MYPN: variants seen among roughly 807,000 people sequenced by gnomAD.
The protein encoded by MYPN is myopalladin, also known as sarcomeric protein myopalladin, 145 kDa (MYOP).
Under a neutral mutation model 129.4 loss-of-function variants are expected in MYPN, and 63 were observed. The ratio of observed to expected loss-of-function variants is 0.49; its 90% CI spans 0.40 to 0.60. The LOEUF (loss-of-function observed/expected upper bound fraction) is 0.60. MYPN is among the 20% of genes least tolerant of loss of function. The pLI, the probability that MYPN is intolerant of heterozygous loss-of-function variation, is 0.00. For missense variants in MYPN, 1,596 were observed against 1,635.4 expected (o/e 0.98, Z 0.42); for synonymous variants, 629 against 600.9 (o/e 1.05, Z -0.68).
chr10:68,119,049 A>T (rs2042201157), intron 1 of MYPN, among the ~76,000 whole-genome samples: 2 of 152,162 alleles, frequency 1.3e-5, no homozygotes, highest in Non-Finnish European at 2.9e-5. Flanking sequence ...AGGCTAAAGA[A>T]ATAGTTGAGT....
chr10:68,096,186 A>G (rs1564636463), intron 1 of MYPN, among the ~76,000 whole-genome samples: 1 of 152,246 alleles, frequency 6.6e-6, no homozygotes, highest in Non-Finnish European at 1.5e-5. Flanking sequence ...GATTTATAAG[A>G]TAAACACTGG....
At chr10:68,202,395 G>A (rs1200528123) in intron 18 of MYPN, among the ~76,000 whole-genome samples, 9 of 151,786 alleles carry the variant, frequency 5.9e-5, no homozygotes, top group African/African-American at 1.9e-4. Flanking sequence ...ATTGCGCCAC[G>A]GGACTCCAGC....
intron 1 of MYPN, among the ~76,000 whole-genome samples, chr10:68,117,432 C>G (rs1317162924): frequency 1.3e-5 from 2 of 152,000 alleles, no homozygotes; most frequent in African/African-American, 4.8e-5. Context: ...GTGTCAAGGA[C>G]AGTGAGCTTT....
At chr10:68,209,643 C>T in intron 19 of MYPN, among the ~76,000 whole-genome samples, 1 of 145,698 alleles carries the variant, frequency 6.9e-6, no homozygotes, top group Admixed American at 6.8e-5. Flanking sequence ...CCCTCGTCAC[C>T]CACTCTTCCA....
At chr10:68,166,237 T>C in intron 9 of MYPN, 57 bp from the exon 10 acceptor site, 2 of 1,610,084 alleles carry the variant, frequency 1.2e-6, no homozygotes, top group Non-Finnish European at 1.7e-6. Context: ...TTTGTGCACA[T>C]GCCCCAATTC....
Position 68,210,442 on chromosome 10 carries a change from G to A in MYPN, c.3950G>A (p.Ser1317Asn). 1 of 1,614,178 alleles carries A rather than the reference G, an allele frequency of 6.2e-7. No individual in the cohort carries two copies. Among genetic ancestry groups the A allele is most frequent in the Non-Finnish European group, 8.5e-7 (1 of 1,180,022 alleles). Reference sequence around the variant, plus strand: ...TGCTCTTCTCGGAGTGTAGTGGAGAGTGATGAACTTTAAGAATGTCTAGGT... The same window carrying A: ...TGCTCTTCTCGGAGTGTAGTGGAGAATGATGAACTTTAAGAATGTCTAGGT... ...YSCSSRSVVE[S>N]DEL The change falls in exon 20 of 20, where the codon AGT (serine) becomes AAT (asparagine). Residue 1317 changes from serine to asparagine, a missense_variant. By Grantham distance (46) the Ser-to-Asn change is conservative (BLOSUM62 1). Transcript: ENST00000358913.
At chr10:68,182,029 A>G (rs2043320889) in intron 12 of MYPN, among the ~76,000 whole-genome samples, 1 of 151,934 alleles carries the variant, frequency 6.6e-6, no homozygotes, top group African/African-American at 2.4e-5. Context: ...TGAGTCTGTG[A>G]TGAAGGTAAA....
chr10:68,134,589 G>A (rs1248228050), intron 2 of MYPN, among the ~76,000 whole-genome samples: 2 of 152,172 alleles, frequency 1.3e-5, no homozygotes, highest in Non-Finnish European at 2.9e-5. Context: ...GAAGTCAAGA[G>A]ATCAAGACCA....
intron 1 of MYPN, among the ~76,000 whole-genome samples, chr10:68,091,241 A>T (rs1479941060): frequency 1.3e-5 from 2 of 152,072 alleles, no homozygotes; most frequent in African/African-American, 4.8e-5. Flanking sequence ...CAGGAGCAAT[A>T]GGGCTCTCTC....
At chr10:68,185,215 A>C (rs2043402077) in intron 12 of MYPN, among the ~76,000 whole-genome samples, 1 of 148,068 alleles carries the variant, frequency 6.8e-6, no homozygotes, top group Non-Finnish European at 1.5e-5. Context: ...GGAAGGGAAG[A>C]AGTGAAAAGA....
chr10:68,199,176 C>A lies in MYPN; in HGVS notation c.3286-192C>A, dbSNP rs12773106. Among the ~76,000 whole-genome samples, 6,160 of 152,100 alleles carry A rather than the reference C, an allele frequency of 0.04. 215 individuals are homozygous for A. The highest frequency in any genetic ancestry group is 0.065 in the Non-Finnish European group (4,411 of 67,976). On this transcript the variant is annotated intron_variant, in intron 16 of 19. Transcript: ENST00000358913. ...CATTACCTTAACTGTGACCAAAGTA[C>A]CATACAGTTCAAATTCATGCAGCTG...
intron 6 of MYPN, 58 bp from the exon 7 acceptor site, chr10:68,158,428 A>G (rs2134136387): frequency 6.4e-7 from 1 of 1,550,408 alleles, no homozygotes; most frequent in South Asian, 1.1e-5. Context: ...CAACACCGAA[A>G]CTAGATTACA....
chr10:68,199,824 C>T (rs2043680377), intron 17 of MYPN, among the ~76,000 whole-genome samples: 1 of 152,208 alleles, frequency 6.6e-6, no homozygotes, highest in South Asian at 2.1e-4. Flanking sequence ...ATCAGTCAAT[C>T]AATCAATCAA....
intron 12 of MYPN, among the ~76,000 whole-genome samples, chr10:68,188,298 C>G (rs2043453082): frequency 6.6e-6 from 1 of 152,032 alleles, no homozygotes; most frequent in Non-Finnish European, 1.5e-5. Context: ...TTAGTAGAGA[C>G]AGAGCTTTTC....
At chr10:68,162,284 G>C (rs902772497) in intron 8 of MYPN, 1 of 152,058 alleles carries the variant, frequency 6.6e-6, no homozygotes, top group South Asian at 2.1e-4. Flanking sequence ...GAATGCAGCT[G>C]GTTCTTGGTT....
upstream of MYPN, among the ~76,000 whole-genome samples, chr10:68,101,744 CT>C (rs2041982855): frequency 6.6e-6 from 1 of 152,064 alleles, no homozygotes; most frequent in African/African-American, 2.4e-5. Flanking sequence ...AAACTTACTT[CT>C]GATAGCTTAT....
At chr10:68,120,394 G>T (rs1360728807) in intron 1 of MYPN, among the ~76,000 whole-genome samples, 2 of 152,048 alleles carry the variant, frequency 1.3e-5, no homozygotes, top group Admixed American at 1.3e-4. Context: ...AAGTTAGGAA[G>T]AACACAGAGC....
chr10:68,121,520 G>C lies in MYPN; in HGVS notation c.82G>C (p.Gly28Arg), dbSNP rs748805804. 2 of 1,614,158 alleles carry C rather than the reference G, an allele frequency of 1.2e-6. No homozygotes were observed. Among genetic ancestry groups the C allele is most frequent in the South Asian group, 2.2e-5 (2 of 91,086 alleles). ...ESYLAETRHR[G>R]NNERSRAEPS... The stretch of plus-strand genomic sequence containing the variant: ...CTATTTAGCTGAAACCAGACATCGG[G>C]GAAACAATGAGAGGAGTCGAGCGGA... Residue 28 changes from glycine to arginine, a missense_variant, in exon 2 of 20, where the codon GGA (glycine) becomes CGA (arginine). Physicochemically the swap from Gly to Arg is moderately radical, Grantham distance 125 (BLOSUM62 -2). Transcript: ENST00000358913.
intron 2 of MYPN, among the ~76,000 whole-genome samples, chr10:68,138,944 C>T (rs1406048581): frequency 9.9e-5 from 15 of 152,156 alleles, no homozygotes; most frequent in Non-Finnish European, 1.6e-4. Context: ...ATGCTTAGTT[C>T]TGTGTTTCTA....
Sources: gnomAD v4.1 joint callset for allele counts (sites outside exome capture counted in the v4.1 genomes callset) on GRCh38, gnomAD v4.1.1 for gene constraint, MANE v1.5 for transcripts, NCBI Gene and HGNC (gene_info 2026-07-23, HGNC 2026-07-21) for gene names.